Variants in FBXO47 observed in about 807,000 individuals in gnomAD.
The protein encoded by FBXO47 is F-box protein 47.
Under a neutral mutation model 53.9 loss-of-function variants are expected in FBXO47, and 34 were observed. The ratio of observed to expected loss-of-function variants is 0.63; its 90% CI spans 0.48 to 0.84. FBXO47 has a LOEUF of 0.84. FBXO47 is among the 40% of genes least tolerant of loss of function. FBXO47 has a pLI of 0.00. For missense variants in FBXO47, 485 were observed against 541.3 expected (o/e 0.90, Z 1.03); for synonymous variants, 165 against 181.6 (o/e 0.91, Z 0.73).
At chr17:38,942,980 C>A in intron 8 of FBXO47, 60 bp from the exon 9 acceptor site, 1 of 1,324,276 alleles carries the variant, frequency 7.6e-7, no homozygotes, top group Non-Finnish European at 1.0e-6. Context: ...ATAGTAAATA[C>A]CATTAAGTAC....
At chr17:38,963,129 A>G (rs1905904751) in intron 1 of FBXO47, 78 bp from the exon 2 acceptor site, 2 of 894,862 alleles carry the variant, frequency 2.2e-6, no homozygotes, top group African/African-American at 3.4e-5. Context: ...TTTTAAACGA[A>G]GAGGTTGATA....
At chr17:38,963,802 G>GTTTTTTTTTT (rs377210713) in intron 1 of FBXO47, among the ~76,000 whole-genome samples, 5 of 128,638 alleles carry the variant, frequency 3.9e-5, no homozygotes, top group South Asian at 4.9e-4. Context: ...TTGTTTTGTT[G>GTTTTTTTTTT]TTTTTTTTTT....
chr17:38,937,095 G>T lies in FBXO47; in HGVS notation c.*80C>A. 1.8e-6 allele frequency: 1 copy of T among 545,424 alleles called. No individual in the cohort carries two copies. The highest frequency in any genetic ancestry group is 3.2e-6 in the Non-Finnish European group (1 of 308,128). The allele number at this position is 545,424 out of a possible 1,614,324, so 33.8% of individuals were successfully genotyped here. On this transcript the variant is annotated 3_prime_UTR_variant, in exon 11 of 11. Coordinates refer to ENST00000378079, the MANE Select transcript of FBXO47 (RefSeq NM_001008777.3). ...TTAGATGATAAAAAGTCCCATGGAT[G>T]CTATTTTTTGAGTGAAAAAGTAGCA...
intron 9 of FBXO47, among the ~76,000 whole-genome samples, chr17:38,940,057 T>C (rs1567713695): frequency 6.6e-6 from 1 of 152,022 alleles, no homozygotes; most frequent in Non-Finnish European, 1.5e-5. Flanking sequence ...TATAGTAGTG[T>C]AACTAAATAA....
chr17:38,945,654 T>C (rs1241401251), intron 6 of FBXO47, among the ~76,000 whole-genome samples: 1 of 151,506 alleles, frequency 6.6e-6, no homozygotes, highest in Non-Finnish European at 1.5e-5. Context: ...CAAAAAAAAT[T>C]GGCCGGGTGC....
intron 9 of FBXO47, among the ~76,000 whole-genome samples, chr17:38,939,658 T>C (rs1034188105): frequency 5.3e-5 from 5 of 94,926 alleles, no homozygotes; most frequent in African/African-American, 1.4e-4. Context: ...GTTTCTTTTT[T>C]TTTTTTTTTT....
intron 9 of FBXO47, among the ~76,000 whole-genome samples, chr17:38,938,940 A>C (rs1904370791): frequency 1.3e-5 from 2 of 152,292 alleles, no homozygotes; most frequent in South Asian, 2.1e-4. Context: ...AAAAAGTATG[A>C]AGTAAATACA....
intron 6 of FBXO47, among the ~76,000 whole-genome samples, chr17:38,945,716 C>A (rs975879000): frequency 1.1e-4 from 16 of 151,708 alleles, no homozygotes; most frequent in African/African-American, 3.6e-4. Context: ...GCGGGCAGAT[C>A]ACGAGGTCAG....
chr17:38,947,079 T>C (rs1166509283), intron 6 of FBXO47, among the ~76,000 whole-genome samples: 6 of 124,864 alleles, frequency 4.8e-5, no homozygotes, highest in South Asian at 2.2e-4. Context: ...TAAACATATA[T>C]AAACATATAT....
intron 9 of FBXO47, among the ~76,000 whole-genome samples, chr17:38,941,930 C>G (rs1273717487): frequency 6.6e-6 from 1 of 151,934 alleles, no homozygotes; most frequent in African/African-American, 2.4e-5. Flanking sequence ...GTCTCAGCCT[C>G]TCAAAGTGCT....
chr17:38,944,870 G>GTGTGTGTGTGTGTGTGTGTGTGTGTT, intron 7 of FBXO47, 90 bp downstream of exon 7: 3 of 949,662 alleles, frequency 3.2e-6, no homozygotes, highest in Non-Finnish European at 4.9e-6. Context: ...GTGTGTGTGT[G>GTGTGTGTGTGTGTGTGTGTGTGTGTT]TATAATATAT....
At chr17:38,946,637 TAA>T (rs1251649111) in intron 6 of FBXO47, among the ~76,000 whole-genome samples, 4 of 68,608 alleles carry the variant, frequency 5.8e-5, no homozygotes, top group Admixed American at 2.6e-4. Flanking sequence ...TATGAATATA[TAA>T]ATATATATAA....
chr17:38,957,165 G>A lies in FBXO47; in HGVS notation c.429+12C>T. 1 of 1,538,670 alleles carries A rather than the reference G, an allele frequency of 6.5e-7. No homozygotes were observed. Among genetic ancestry groups the A allele is most frequent in the South Asian group, 1.1e-5 (1 of 88,830 alleles). On this transcript the variant is annotated intron_variant, in intron 4 of 10. Coordinates refer to ENST00000378079, the MANE Select transcript of FBXO47 (RefSeq NM_001008777.3). Reference sequence around the variant, plus strand: ...ATCAAGATTGTAAACTAATTTAGAAGTATGATCTTACTTCTGTGAGTATCT... The same window carrying A: ...ATCAAGATTGTAAACTAATTTAGAAATATGATCTTACTTCTGTGAGTATCT...
chr17:38,952,436 A>G (rs1302429993), intron 5 of FBXO47, among the ~76,000 whole-genome samples: 1 of 152,202 alleles, frequency 6.6e-6, no homozygotes, highest in Non-Finnish European at 1.5e-5. Flanking sequence ...CAATCAAATT[A>G]ATAACAAATT....
chr17:38,945,858 C>A (rs1180894261), intron 6 of FBXO47, among the ~76,000 whole-genome samples: 2 of 148,366 alleles, frequency 1.3e-5, no homozygotes, highest in Non-Finnish European at 3.0e-5. Flanking sequence ...ATGGCGTTAA[C>A]CCGGGAGGTG....
At chr17:38,957,698 CTTTTTTT>C (rs67243641) in intron 3 of FBXO47, among the ~76,000 whole-genome samples, 5 of 132,866 alleles carry the variant, frequency 3.8e-5, no homozygotes, top group South Asian at 2.5e-4. Flanking sequence ...ACTGATTTTT[CTTTTTTT>C]TTTTTTTTTT....
In FBXO47 at chr17:38,947,943, A is replaced by G. The variant is rs570592646; in HGVS notation, c.617-2807T>C. 2.1e-3 allele frequency among the ~76,000 whole-genome samples: 315 copies of G among 152,130 alleles called. 1 individual carries two copies. The highest frequency in any genetic ancestry group is 7.3e-3 in the African/African-American group (305 of 41,538). On this transcript the variant is annotated intron_variant, in intron 6 of 10. Transcript: ENST00000378079. The stretch of plus-strand genomic sequence containing the variant: ...AGGAAAAATAAAAAATTAGATTAAC[A>G]TAGGACTACTTTTTCAAAAGCTTTA...
chr17:38,954,775 C>T, intron 5 of FBXO47, 81 bp downstream of exon 5: 1 of 737,824 alleles, frequency 1.4e-6, no homozygotes, highest in Admixed American at 2.8e-5. Flanking sequence ...CTTTATTAAC[C>T]TATGAAAAGA....
chr17:38,942,636 GA>G, intron 9 of FBXO47, 141 bp downstream of exon 9: 1 of 566,232 alleles, frequency 1.8e-6, no homozygotes, highest in Non-Finnish European at 3.0e-6. Context: ...TTAATATTTT[GA>G]AAAAGAAACA....
Sources: allele counts gnomAD v4.1 joint callset (sites outside exome capture counted in the v4.1 genomes callset), GRCh38; gene constraint gnomAD v4.1.1; transcripts MANE v1.5; gene names NCBI Gene and HGNC (gene_info 2026-07-23, HGNC 2026-07-21).